Variants in P2RX5 observed in about 807,000 individuals in gnomAD.
P2RX5 encodes purinergic receptor P2X 5, also known as P2X purinoceptor 5.
Under a neutral mutation model 54.1 loss-of-function variants are expected in P2RX5, and 46 were observed. The observed-to-expected ratio is 0.85, with a 90% CI of 0.67 to 1.09. The LOEUF (loss-of-function observed/expected upper bound fraction) is 1.09, where lower values mean the gene tolerates loss of function less well. P2RX5 is among the 50% of genes least tolerant of loss of function. The pLI, the probability that P2RX5 is intolerant of heterozygous loss-of-function variation, is 0.00. For synonymous variants in P2RX5, 226 were observed against 226.4 expected (o/e 1.00, Z 0.02); for missense variants, 566 against 549.8 (o/e 1.03, Z -0.29).
At position 3,690,467 on chromosome 17, in the gene P2RX5, T is replaced by C; in HGVS notation, c.493A>G (p.Ile165Val). The change falls in exon 5 of 12, where the codon ATC becomes GTC. Residue 165 changes from isoleucine (I) to valine (V), a missense_variant. Coordinates refer to ENST00000225328, the MANE Select transcript of P2RX5 (RefSeq NM_002561.4). The part of the protein sequence containing the change: ...RENLARGTCE[I>V]FAWCPLETSS... Reference sequence around the variant, plus strand: ...GTCTCCAACGGGCACCAGGCAAAGATCTCACAGGTGCCCCTGGCCAAGTTC... The same window carrying C: ...GTCTCCAACGGGCACCAGGCAAAGACCTCACAGGTGCCCCTGGCCAAGTTC... 6.2e-7 allele frequency: 1 copy of C among 1,613,206 alleles called. No homozygotes were observed. The highest frequency in any genetic ancestry group is 8.5e-7 in the Non-Finnish European group (1 of 1,179,844).
chr17:3,709,055 G>A, the P2RX5 span, among the ~76,000 whole-genome samples: 35 of 152,138 alleles, frequency 2.3e-4, no homozygotes, highest in Admixed American at 2.1e-3. Flanking sequence ...GTGTTCAAGC[G>A]ATTCTCCTGC....
intron 11 of P2RX5, chr17:3,675,373 A>T (rs1172599996): frequency 1.0e-6 from 1 of 985,138 alleles, no homozygotes; most frequent in Non-Finnish European, 1.2e-6. Context: ...TGAAACAAAT[A>T]GTATGACTAT....
chr17:3,719,057 TCC>T, the P2RX5 span, among the ~76,000 whole-genome samples: 1 of 151,108 alleles, frequency 6.6e-6, no homozygotes, highest in Non-Finnish European at 1.5e-5. Flanking sequence ...CATGGTGAAA[TCC>T]TGTCTCTATT....
At chr17:3,720,576 T>C in the P2RX5 span, 3 of 451,224 alleles carry the variant, frequency 6.6e-6, no homozygotes, top group Non-Finnish European at 1.2e-5. Flanking sequence ...CAGTTATTCT[T>C]CAACTTCCTT....
the P2RX5 span, among the ~76,000 whole-genome samples, chr17:3,705,722 T>C: frequency 6.6e-6 from 1 of 152,196 alleles, no homozygotes; most frequent in Non-Finnish European, 1.5e-5. Context: ...TAATCACCCA[T>C]TAGCCTGTAT....
chr17:3,718,694 A>C, the P2RX5 span, among the ~76,000 whole-genome samples: 2 of 152,262 alleles, frequency 1.3e-5, no homozygotes, highest in African/African-American at 2.4e-5. Context: ...ATCAGTAAGT[A>C]AGAGGGGGAA....
chr17:3,688,397 G>T (rs111409871), intron 8 of P2RX5, among the ~76,000 whole-genome samples: 2,997 of 152,300 alleles, frequency 0.02, 37 homozygotes, highest in Non-Finnish European at 0.03. Context: ...GCAAGACTCG[G>T]CTTCACGGAG....
At chr17:3,689,711 A>G in intron 6 of P2RX5, 81 bp from the exon 7 acceptor site, 2 of 1,581,180 alleles carry the variant, frequency 1.3e-6, no homozygotes, top group South Asian at 2.2e-5. Context: ...TCGGTCCCTC[A>G]CCAACCTGAG....
chr17:3,696,971 A>G (rs954211448), upstream of P2RX5, among the ~76,000 whole-genome samples: 1 of 152,062 alleles, frequency 6.6e-6, no homozygotes, highest in Non-Finnish European at 1.5e-5. Context: ...TGGAAGAGAC[A>G]AGACTTGTCC....
At chr17:3,715,163 AC>A in the P2RX5 span, among the ~76,000 whole-genome samples, 1 of 152,182 alleles carries the variant, frequency 6.6e-6, no homozygotes, top group Non-Finnish European at 1.5e-5. Flanking sequence ...CTTCCTCTGA[AC>A]CCTGCTCTCC....
chr17:3,707,276 G>A, the P2RX5 span, among the ~76,000 whole-genome samples: 3 of 152,098 alleles, frequency 2.0e-5, no homozygotes, highest in Admixed American at 6.6e-5. Context: ...GTAATGCAAC[G>A]TTTGGGAAAA....
At chr17:3,712,991 T>C in the P2RX5 span, among the ~76,000 whole-genome samples, 1 of 151,284 alleles carries the variant, frequency 6.6e-6, no homozygotes, top group African/African-American at 2.4e-5. Context: ...AAGATAAACA[T>C]TCAAAACCAC....
At position 3,677,143 on chromosome 17, in the gene P2RX5, G is replaced by A. The variant is rs374848776; in HGVS notation, c.1259+2447C>T. The stretch of plus-strand genomic sequence containing the variant: ...GAGGGTGCGGTAGGTGGGTGTGGCC[G>A]TGGCATAAGACAGGTGGGGACGGAG... On this transcript the variant is annotated intron_variant, in intron 11 of 11. Transcript: ENST00000225328. 7.7e-5 allele frequency: 76 copies of A among 985,424 alleles called. No individual in the cohort carries two copies. In the African/African-American group the frequency reaches 9.6e-4, roughly 12 times the overall value. The allele number at this position is 985,424 out of a possible 1,614,324, so 61.0% of individuals were successfully genotyped here. A position where few individuals can be genotyped will look rare whatever the true frequency, so the allele number is the denominator to read the frequency against.
chr17:3,676,160 T>C (rs936386775), intron 11 of P2RX5: 15 of 985,526 alleles, frequency 1.5e-5, no homozygotes, highest in African/African-American at 1.7e-5. Context: ...TGGCGAGGGC[T>C]GAGCTCCAGG....
the P2RX5 span, chr17:3,718,014 C>G: frequency 1.3e-5 from 2 of 152,220 alleles, no homozygotes; most frequent in African/African-American, 4.8e-5. Flanking sequence ...TCTTCTAAAC[C>G]CACAGATTCC....
At chr17:3,708,737 T>C in the P2RX5 span, among the ~76,000 whole-genome samples, 3 of 152,152 alleles carry the variant, frequency 2.0e-5, no homozygotes, top group South Asian at 6.2e-4. Context: ...CCAAAGATTA[T>C]GTTAGCCCAA....
intron 7 of P2RX5, 116 bp downstream of exon 7, chr17:3,689,376 T>C: frequency 1.0e-6 from 1 of 955,980 alleles, no homozygotes; most frequent in Non-Finnish European, 1.6e-6. Context: ...TGGGGGCAGG[T>C]GACTTTGCAG....
chr17:3,697,075 G>C (rs2050773643), upstream of P2RX5, among the ~76,000 whole-genome samples: 1 of 151,534 alleles, frequency 6.6e-6, no homozygotes, highest in African/African-American at 2.4e-5. Context: ...CGGAGTCGGT[G>C]GTCAGGCAGG....
chr17:3,688,552 A>G (rs999105915), intron 8 of P2RX5, 74 bp downstream of exon 8: 5 of 1,547,672 alleles, frequency 3.2e-6, no homozygotes, highest in Admixed American at 3.3e-5. Flanking sequence ...AGGGGCCTCA[A>G]TAGTGCTGGC....
Sources: gnomAD v4.1 joint callset for allele counts (sites outside exome capture counted in the v4.1 genomes callset) on GRCh38, gnomAD v4.1.1 for gene constraint, MANE v1.5 for transcripts, NCBI Gene and HGNC (gene_info 2026-07-23, HGNC 2026-07-21) for gene names.